The following ASL variants were observed in gnomAD, a reference collection of about 807,000 sequenced individuals.
ASL encodes the protein argininosuccinase.
ASL carries 51 observed loss-of-function variants against 69.1 expected under a neutral mutation model. That is an observed-to-expected ratio of 0.74 (90% CI 0.59 to 0.93). The LOEUF (loss-of-function observed/expected upper bound fraction) is 0.93. ASL is among the 40% of genes least tolerant of loss of function. ASL has a pLI of 0.00. For missense variants in ASL, 540 were observed against 623.9 expected (o/e 0.87, Z 1.43); for synonymous variants, 241 against 247.6 (o/e 0.97, Z 0.25).
At chr7:66,085,117 G>T (rs934591408) in intron 6 of ASL, among the ~76,000 whole-genome samples, 2 of 152,134 alleles carry the variant, frequency 1.3e-5, no homozygotes, top group Non-Finnish European at 2.9e-5. Context: ...TGTGGTGATG[G>T]TTGTACAGTA....
chr7:66,083,373 C>G, intron 6 of ASL, 199 bp downstream of exon 6: 1 of 565,242 alleles, frequency 1.8e-6, no homozygotes. Flanking sequence ...CAGTCTAGCT[C>G]AGCAGGCAGA....
chr7:66,091,277 G>A (rs1786835896), intron 14 of ASL, among the ~76,000 whole-genome samples: 1 of 152,092 alleles, frequency 6.6e-6, no homozygotes, highest in African/African-American at 2.4e-5. Flanking sequence ...TTCTCCAGTG[G>A]CTAGGCCTGG....
chr7:66,088,983 G>A (rs1464169845), intron 11 of ASL, 62 bp downstream of exon 11: 28 of 1,607,144 alleles, frequency 1.7e-5, no homozygotes, highest in East Asian at 8.9e-5. Context: ...CGCCGCCCGC[G>A]GACGTGGCTG....
rs762118548 is a variant in ASL at position 66,076,038 on chromosome 7, G to C, written c.-43-1G>C. The C allele has an allele frequency of 6.3e-7, 1 of 1,585,414 alleles. No individual in the cohort carries two copies. Among genetic ancestry groups the C allele is most frequent in the East Asian group, 2.3e-5 (1 of 43,300 alleles). ...GTCGTCAGTCCGGTCTTGTCTTCCA[G>C]ACCCGGAGGACCGAAGCTTCCGGAC... is the stretch of plus-strand genomic sequence containing the variant. On this transcript the variant is annotated splice_acceptor_variant, in intron 1 of 16. Coordinates refer to ENST00000304874, the MANE Select transcript of ASL (RefSeq NM_000048.4). LOFTEE classifies it low-confidence loss of function (5UTR_SPLICE).
intron 2 of ASL, 117 bp downstream of exon 2, chr7:66,076,210 T>C (rs1322913019): frequency 1.2e-5 from 16 of 1,374,436 alleles, no homozygotes; most frequent in African/African-American, 1.4e-5. Flanking sequence ...ATTTTGAAAA[T>C]TACCTAGGAA....
chr7:66,087,446 C>A, intron 9 of ASL, 60 bp downstream of exon 9: 1 of 1,578,162 alleles, frequency 6.3e-7, no homozygotes, highest in Non-Finnish European at 8.6e-7. Context: ...CCAAGACCTG[C>A]AGACACACCT....
intron 6 of ASL, 148 bp from the exon 7 acceptor site, chr7:66,086,437 T>G (rs1786663475): frequency 1.2e-6 from 1 of 862,604 alleles, no homozygotes; most frequent in Admixed American, 2.0e-5. Context: ...GACTGATTTG[T>G]CCCTGGGAGA....
chr7:66,078,300 G>A lies in ASL; in HGVS notation c.12+2207G>A, dbSNP rs560584055. Among the ~76,000 whole-genome samples the A allele has an allele frequency of 2.0e-5, 3 of 152,174 alleles. No homozygotes were observed. In the East Asian group the frequency reaches 5.8e-4, roughly 30 times the overall value. On this transcript the variant is annotated intron_variant, in intron 2 of 16. Transcript: ENST00000304874. ...CTAGGCTTGGTGGGGCAGCTGTGGG[G>A]TAAGGGGCAGGACCAGCTCAAAGAT...
intron 6 of ASL, chr7:66,083,388 A>T: frequency 1.9e-6 from 1 of 528,600 alleles, no homozygotes; most frequent in Non-Finnish European, 3.4e-6. Context: ...GGCAGAGAAG[A>T]CTAACCCTTC....
chr7:66,087,805 A>T lies in ASL; in HGVS notation c.718+14A>T, dbSNP rs117035302. On this transcript the variant is annotated intron_variant, in intron 10 of 16. Coordinates refer to ENST00000304874, the MANE Select transcript of ASL (RefSeq NM_000048.4). The stretch of plus-strand genomic sequence containing the variant: ...GGGACTTTGTGGGTGAGTCCTGGGG[A>T]GCCAGTCCCCTGCCCTGTGCCTCAC... 18,253 of 1,614,052 alleles carry T rather than the reference A, an allele frequency of 0.011. 508 individuals carry two copies. The highest frequency in any genetic ancestry group is 0.1 in the East Asian group (4,625 of 44,868).
intron 15 of ASL, 80 bp from the exon 16 acceptor site, chr7:66,092,477 A>AAT: frequency 8.8e-7 from 1 of 1,135,732 alleles, no homozygotes; most frequent in Non-Finnish European, 1.3e-6. Context: ...AAAAAAAAAA[A>AAT]GGAAGGGGGT....
chr7:66,089,198 C>A lies in ASL; in HGVS notation c.918+23C>A, dbSNP rs201002874. On this transcript the variant is annotated intron_variant, in intron 12 of 16. Coordinates refer to ENST00000304874, the MANE Select transcript of ASL (RefSeq NM_000048.4). The stretch of plus-strand genomic sequence containing the variant: ...CGGGTGAGCAAGGCAGGGGGAGGGG[C>A]GGGGCCTCTGGGCTGATGGTGGGTG... The A allele has an allele frequency of 9.9e-6, 13 of 1,318,386 alleles. No individual in the cohort carries two copies. The African/African-American group carries it at 1.2e-4, about 12-fold the overall frequency. 81.7% of individuals were successfully genotyped at this position (1,318,386 alleles called of 1,614,324 possible). A position where few individuals can be genotyped will look rare whatever the true frequency, so the allele number is the denominator to read the frequency against.
intron 8 of ASL, 158 bp from the exon 9 acceptor site, chr7:66,087,176 C>T (rs1562740863): frequency 4.9e-6 from 4 of 821,410 alleles, no homozygotes; most frequent in Non-Finnish European, 8.1e-6. Flanking sequence ...GGAGACTGGG[C>T]CAGGGAAGAG....
rs570144023 is a variant in ASL, at chr7:66,086,863, C to A, written c.602+42C>A. ...TGCCCCGAGGGCCTGGTGGGGGTGG[C>A]TGCTGCATAGCCTTAGGGATTGACA... On this transcript the variant is annotated intron_variant, in intron 8 of 16. Transcript: ENST00000304874. 411 of 1,543,150 alleles carry A rather than the reference C, an allele frequency of 2.7e-4. No individual in the cohort carries two copies. In the African/African-American group the frequency reaches 5.0e-3, roughly 19 times the overall value.
At chr7:66,089,569 CA>C in intron 13 of ASL, 42 bp from the exon 14 acceptor site, 1 of 1,607,302 alleles carries the variant, frequency 6.2e-7, no homozygotes, top group East Asian at 2.2e-5. Context: ...CCCTGGGTGC[CA>C]GGGGGCTGCT....
intron 9 of ASL, 42 bp from the exon 10 acceptor site, chr7:66,087,687 C>G (rs751604140): frequency 6.2e-7 from 1 of 1,613,124 alleles, no homozygotes; most frequent in Non-Finnish European, 8.5e-7. Flanking sequence ...GGGGGCCACT[C>G]CCTGTCCTCC....
chr7:66,088,528 AC>A (rs1440979153), intron 10 of ASL, among the ~76,000 whole-genome samples: 5 of 152,150 alleles, frequency 3.3e-5, no homozygotes, highest in Admixed American at 2.0e-4. Flanking sequence ...GTGAGTGATA[AC>A]TCAGTAAAGC....
At chr7:66,077,325 G>A (rs539338370) in intron 2 of ASL, among the ~76,000 whole-genome samples, 1 of 152,242 alleles carries the variant, frequency 6.6e-6, no homozygotes, top group East Asian at 1.9e-4. Context: ...CACAGGAGGC[G>A]GAGGCATGAG....
At chr7:66,087,909 T>C (rs1262124158) in intron 10 of ASL, 118 bp downstream of exon 10, 2 of 1,341,466 alleles carry the variant, frequency 1.5e-6, no homozygotes, top group East Asian at 4.9e-5. Context: ...TATTGTACAC[T>C]GAAGTATAAA....
Sources: gnomAD v4.1 joint callset for allele counts (sites outside exome capture counted in the v4.1 genomes callset) on GRCh38, gnomAD v4.1.1 for gene constraint, MANE v1.5 for transcripts, NCBI Gene and HGNC (gene_info 2026-07-23, HGNC 2026-07-21) for gene names.